Variants in PVT1 observed in about 807,000 individuals in gnomAD.
PVT1 encodes the protein Pvt1 oncogene.
At chr8:127,909,919 C>A (rs536030080) in intron 3 of PVT1, among the ~76,000 whole-genome samples, 1 of 152,110 alleles carries the variant, frequency 6.6e-6, no homozygotes, top group African/African-American at 2.4e-5. Context: ...TGCTCCTTTT[C>A]TTGGTGGGGT....
intron 4 of PVT1, among the ~76,000 whole-genome samples, chr8:128,055,175 A>G (rs1287725891): frequency 7.4e-6 from 1 of 135,198 alleles, no homozygotes; most frequent in Non-Finnish European, 1.6e-5. Flanking sequence ...GCACAGACAC[A>G]CACACACCCA....
chr8:127,854,113 G>C (rs1375365318), intron 2 of PVT1, among the ~76,000 whole-genome samples: 2 of 152,064 alleles, frequency 1.3e-5, no homozygotes, highest in Non-Finnish European at 2.9e-5. Flanking sequence ...CTTGCCCTCC[G>C]TAGGCAGGCC....
chr8:127,962,656 G>T (rs1258797641), intron 3 of PVT1, among the ~76,000 whole-genome samples: 1 of 152,096 alleles, frequency 6.6e-6, no homozygotes, highest in Non-Finnish European at 1.5e-5. Flanking sequence ...GAGTGCGGGG[G>T]TGCTATCTCG....
chr8:127,848,087 A>G (rs954684831), intron 2 of PVT1, among the ~76,000 whole-genome samples: 1 of 152,128 alleles, frequency 6.6e-6, no homozygotes, highest in African/African-American at 2.4e-5. Flanking sequence ...CATTGAGTAT[A>G]TTATCTATCA....
chr8:127,923,841 G>T (rs1186155927), intron 3 of PVT1, among the ~76,000 whole-genome samples: 1 of 152,204 alleles, frequency 6.6e-6, no homozygotes, highest in Non-Finnish European at 1.5e-5. Context: ...ATCCTGGTGT[G>T]CCGCGCTTCT....
chr8:127,913,849 C>T lies in PVT1; in HGVS notation n.782+22851C>T, dbSNP rs193034986. 3.0e-3 allele frequency among the ~76,000 whole-genome samples: 454 copies of T among 152,150 alleles called. 3 individuals are homozygous for T. Among genetic ancestry groups the T allele is most frequent in the African/African-American group, 9.8e-3 (406 of 41,512 alleles). Reference sequence around the variant, plus strand: ...CCATTTTAATCATGCCCTTTGCTCTCGCCTGGACATCTCCAGGGGCTCCAG... The same window carrying T: ...CCATTTTAATCATGCCCTTTGCTCTTGCCTGGACATCTCCAGGGGCTCCAG... On this transcript the variant is annotated intron_variant and non_coding_transcript_variant, in intron 3 of 10. Coordinates refer to ENST00000651587, the Ensembl canonical transcript of PVT1.
chr8:127,893,216 A>G (rs781029056), intron 3 of PVT1, among the ~76,000 whole-genome samples: 14 of 152,232 alleles, frequency 9.2e-5, no homozygotes, highest in African/African-American at 1.9e-4. Flanking sequence ...ACCTCAAAAC[A>G]GAGCTATGAG....
Position 127,931,612 on chromosome 8 carries a change from A to G in PVT1, n.782+40614A>G, listed in dbSNP as rs565817784. ...CAGCTTGCCCAGATCACACAGCTGG[A>G]AAGTGGTAGAGCTGGAATCTGGATG... On this transcript the variant is annotated intron_variant and non_coding_transcript_variant, in intron 3 of 10. Transcript: ENST00000651587. Among the ~76,000 whole-genome samples the G allele has an allele frequency of 8.5e-5, 13 of 152,360 alleles. No homozygotes were observed. The South Asian group carries it at 2.7e-3, about 32-fold the overall frequency.
chr8:127,891,727 GC>G (rs1458335661), intron 3 of PVT1, among the ~76,000 whole-genome samples: 1 of 152,204 alleles, frequency 6.6e-6, no homozygotes, highest in Admixed American at 6.5e-5. Context: ...TCTGAGCAGA[GC>G]CAGGGAGGCA....
At chr8:128,095,628 T>C (rs910291873) in intron 5 of PVT1, among the ~76,000 whole-genome samples, 1 of 152,134 alleles carries the variant, frequency 6.6e-6, no homozygotes, top group Non-Finnish European at 1.5e-5. Context: ...AGTGGGGGAG[T>C]GGAATCGTGA....
chr8:127,959,586 G>GAAAAAAAA (rs34255005), intron 3 of PVT1, among the ~76,000 whole-genome samples: 1 of 76,494 alleles, frequency 1.3e-5, no homozygotes, highest in Non-Finnish European at 2.4e-5. Context: ...TCTGTCTCAG[G>GAAAAAAAA]AAAAAAAAAA....
intron 4 of PVT1, among the ~76,000 whole-genome samples, chr8:128,040,920 G>A (rs1425798237): frequency 2.0e-5 from 3 of 151,820 alleles, no homozygotes; most frequent in Non-Finnish European, 4.4e-5. Flanking sequence ...GTGCATATGT[G>A]TGTGTGCTTG....
intron 4 of PVT1, among the ~76,000 whole-genome samples, chr8:128,043,477 G>A (rs1012438025): frequency 1.3e-5 from 2 of 152,088 alleles, no homozygotes; most frequent in Non-Finnish European, 2.9e-5. Context: ...GTCACAAGAT[G>A]CTGTTGCCTA....
chr8:127,934,903 C>T (rs1057146347), intron 3 of PVT1, among the ~76,000 whole-genome samples: 5 of 152,090 alleles, frequency 3.3e-5, no homozygotes, highest in Non-Finnish European at 5.9e-5. Context: ...GAAACAATAT[C>T]GGGGAGTTCT....
chr8:128,070,238 T>C (rs1813968590), exon 5 of PVT1: 1 of 152,584 alleles, frequency 6.6e-6, no homozygotes, highest in Non-Finnish European at 1.5e-5. Context: ...GATCCTGCCC[T>C]GTTTGCTTCT....
intron 3 of PVT1, among the ~76,000 whole-genome samples, chr8:127,964,069 G>T (rs867030938): frequency 1.7e-4 from 26 of 152,368 alleles, no homozygotes; most frequent in Middle Eastern, 6.8e-3. Context: ...TATTGCAGAT[G>T]AAGGAGTGCC....
At chr8:127,885,498 T>C (rs1815512891) in intron 2 of PVT1, among the ~76,000 whole-genome samples, 1 of 152,160 alleles carries the variant, frequency 6.6e-6, no homozygotes, top group African/African-American at 2.4e-5. Context: ...TGATGCCTTC[T>C]TGTTGGGTCT....
At chr8:127,964,015 G>A (rs1489814412) in intron 3 of PVT1, among the ~76,000 whole-genome samples, 1 of 152,206 alleles carries the variant, frequency 6.6e-6, no homozygotes, top group African/African-American at 2.4e-5. Flanking sequence ...CACTGTGAGG[G>A]AACTCACAGC....
intron 3 of PVT1, among the ~76,000 whole-genome samples, chr8:127,961,108 G>A (rs559297781): frequency 3.3e-5 from 5 of 152,296 alleles, no homozygotes; most frequent in African/African-American, 1.2e-4. Flanking sequence ...CAGAGAAGAG[G>A]CAGGAGGGAG....
Sources: allele counts gnomAD v4.1 joint callset (sites outside exome capture counted in the v4.1 genomes callset), GRCh38; gene constraint gnomAD v4.1.1; transcripts MANE v1.5; gene names NCBI Gene and HGNC (gene_info 2026-07-23, HGNC 2026-07-21).